Variants in PAQR3 observed in about 807,000 individuals in gnomAD.
PAQR3 encodes the protein Raf kinase trapping to Golgi.
Under a neutral mutation model 41.7 loss-of-function variants are expected in PAQR3, and 39 were observed. The observed-to-expected ratio is 0.93, with a 90% confidence interval of 0.72 to 1.22. The LOEUF (loss-of-function observed/expected upper bound fraction) is 1.22. PAQR3 is among the 50% of genes most tolerant of loss of function. The pLI, the probability that PAQR3 is intolerant of heterozygous loss-of-function variation, is 0.00. For missense variants in PAQR3, 366 were observed against 385.6 expected (o/e 0.95, Z 0.42); for synonymous variants, 140 against 140.6 (o/e 1.00, Z 0.03).
chr4:78,892,401 T>C (rs1256480108), intron 11 of PAQR3, among the ~76,000 whole-genome samples: 1 of 152,232 alleles, frequency 6.6e-6, no homozygotes, highest in African/African-American at 2.4e-5. Flanking sequence ...GTATCATCAT[T>C]TGAAAATGTG....
intron 2 of PAQR3, among the ~76,000 whole-genome samples, chr4:78,934,531 A>G (rs1395485563): frequency 6.6e-6 from 1 of 152,244 alleles, no homozygotes; most frequent in African/African-American, 2.4e-5. Context: ...TTTGAAATCT[A>G]ATAAATGTTA....
chr4:78,910,680 C>T (rs781038280), downstream of PAQR3: 36 of 1,607,096 alleles, frequency 2.2e-5, no homozygotes, highest in East Asian at 2.2e-5. Context: ...CTATCAAGAA[C>T]GGTAAAACAA....
chr4:78,887,600 T>C (rs1301237288), intron 12 of PAQR3, among the ~76,000 whole-genome samples: 4 of 152,236 alleles, frequency 2.6e-5, no homozygotes, highest in Non-Finnish European at 5.9e-5. Flanking sequence ...AAAAATTTGA[T>C]ATTTTCCTAG....
chr4:78,927,485 T>C (rs1560577223), intron 3 of PAQR3, among the ~76,000 whole-genome samples: 2 of 152,220 alleles, frequency 1.3e-5, no homozygotes, highest in Non-Finnish European at 2.9e-5. Flanking sequence ...TGGACTCCTG[T>C]TGAATAAAGT....
intron 11 of PAQR3, among the ~76,000 whole-genome samples, chr4:78,901,126 C>A (rs1733978380): frequency 6.6e-6 from 1 of 152,126 alleles, no homozygotes; most frequent in Admixed American, 6.6e-5. Flanking sequence ...TTACTACAGC[C>A]CGGACCTCTT....
In PAQR3 at chr4:78,939,256, G is replaced by A. The variant is rs1225571130; in HGVS notation, c.-32C>T. The A allele has an allele frequency of 1.9e-6, 3 of 1,568,606 alleles. No individual in the cohort carries two copies. The highest frequency in any genetic ancestry group is 2.6e-6 in the Non-Finnish European group (3 of 1,160,932). The stretch of plus-strand genomic sequence containing the variant: ...CGGCCGCCGCCGCTCCCCGGCTCGG[G>A]AGCTCCCCCAGGTCCCGCCTCCCCG... On this transcript the variant is annotated 5_prime_UTR_variant, in exon 1 of 6. Transcript: ENST00000512733.
rs1162826739 is a variant in PAQR3 at position 78,916,239 on chromosome 4, A to T, written c.*4300T>A. 6.6e-6 allele frequency: 1 copy of T among 151,796 alleles called. No homozygotes were observed. The highest frequency in any genetic ancestry group is 1.5e-5 in the Non-Finnish European group (1 of 67,852). The allele number at this position is 151,796 out of a possible 1,614,324, so 9.4% of individuals were successfully genotyped here. ...TTACACTGCTTATTCTTTTTGACTG[A>T]ATTCTGTCCCTGATTCACTGTTTTG... On this transcript the variant is annotated 3_prime_UTR_variant, in exon 6 of 6. Transcript: ENST00000512733.
At position 78,918,609 on chromosome 4, in the gene PAQR3, C is replaced by A; in HGVS notation, c.*1930G>T. 2.1e-6 allele frequency: 2 copies of A among 964,034 alleles called. No individual in the cohort carries two copies. The highest frequency in any genetic ancestry group is 9.6e-5 in the South Asian group (2 of 20,874). 59.7% of individuals were successfully genotyped at this position (964,034 alleles called of 1,614,324 possible). Reference sequence around the variant, plus strand: ...ATTCAAAGAAACACGGATTTAAAAACACAGTATACTCTTTTCATGTTATTA... The same window carrying A: ...ATTCAAAGAAACACGGATTTAAAAAAACAGTATACTCTTTTCATGTTATTA... On this transcript the variant is annotated 3_prime_UTR_variant, in exon 6 of 6. Transcript: ENST00000512733.
intron 5 of PAQR3, chr4:78,923,536 G>C (rs1266677023): frequency 3.4e-5 from 11 of 325,016 alleles, no homozygotes; most frequent in South Asian, 2.3e-4. Flanking sequence ...ATATAGAGAA[G>C]TAAATGGTAG....
At chr4:78,892,983 A>C (rs753198881) in intron 11 of PAQR3, among the ~76,000 whole-genome samples, 5 of 152,166 alleles carry the variant, frequency 3.3e-5, no homozygotes, top group Non-Finnish European at 7.4e-5. Flanking sequence ...AAATAAGACA[A>C]TGATTAAGTT....
rs1734749901 is a variant in PAQR3 at position 78,913,118 on chromosome 4, A to C, written c.*7421T>G. 3 of 151,410 alleles carry C rather than the reference A, an allele frequency of 2.0e-5. No individual in the cohort carries two copies. Among genetic ancestry groups the C allele is most frequent in the Admixed American group, 6.6e-5 (1 of 15,220 alleles). The allele number at this position is 151,410 out of a possible 1,614,324, so 9.4% of individuals were successfully genotyped here. On this transcript the variant is annotated 3_prime_UTR_variant, in exon 6 of 6. Transcript: ENST00000512733. ...AAATATTCCCCAAGTCATAAGCAACAATTATTTTTATTAGGTTTTGGGGGG... is the reference window on the plus strand; with the variant it reads ...AAATATTCCCCAAGTCATAAGCAACCATTATTTTTATTAGGTTTTGGGGGG...
Position 78,904,993 on chromosome 4 carries a change from T to A in PAQR3, c.*836+1115A>T, listed in dbSNP as rs775268395. ...CTGTACCAAAGCTACCTAAAGAAAA[T>A]TTAACTCTATATTTTTGTATAAATA... On this transcript the variant is annotated intron_variant and NMD_transcript_variant, in intron 11 of 12. Coordinates refer to the PAQR3 transcript ENST00000342820. 2.6e-4 allele frequency among the ~76,000 whole-genome samples: 39 copies of A among 151,982 alleles called. No homozygotes were observed. The South Asian group carries it at 3.1e-3, about 12-fold the overall frequency.
rs1301069937 is a variant in PAQR3, at chr4:78,898,227, G to A, written c.*836+7881C>T. ...CTCCCAAAGACCCTAGACCCACCCT[G>A]TGGGCTTTATTATCTAATAGGAAGT... On this transcript the variant is annotated intron_variant and NMD_transcript_variant, in intron 11 of 12. Transcript: ENST00000342820. 1.1e-4 allele frequency among the ~76,000 whole-genome samples: 16 copies of A among 152,254 alleles called. No individual in the cohort carries two copies. In the East Asian group the frequency reaches 1.9e-3, roughly 18 times the overall value.
chr4:78,935,723 T>G (rs1015900361), intron 1 of PAQR3, among the ~76,000 whole-genome samples: 1 of 152,226 alleles, frequency 6.6e-6, no homozygotes, highest in African/African-American at 2.4e-5. Context: ...CAATAATACG[T>G]ATCTGAAAAC....
chr4:78,901,290 G>A (rs1333937879), intron 11 of PAQR3, among the ~76,000 whole-genome samples: 1 of 151,496 alleles, frequency 6.6e-6, no homozygotes, highest in Non-Finnish European at 1.5e-5. Flanking sequence ...CTAATTCCTG[G>A]TCTCAAGAAA....
At chr4:78,922,764 G>A (rs989802116) in intron 5 of PAQR3, 3 of 371,738 alleles carry the variant, frequency 8.1e-6, no homozygotes, top group Non-Finnish European at 1.6e-5. Flanking sequence ...AACCCTGGGG[G>A]GAAAAAAAAG....
At chr4:78,923,169 T>C (rs1321447797) in intron 5 of PAQR3, among the ~76,000 whole-genome samples, 2 of 150,860 alleles carry the variant, frequency 1.3e-5, no homozygotes, top group Admixed American at 6.6e-5. Context: ...CTCACTTCTT[T>C]TCACTTTTTC....
chr4:78,930,261 C>T lies in PAQR3; in HGVS notation c.413G>A (p.Arg138Gln), dbSNP rs771238570. The T allele has an allele frequency of 9.3e-6, 15 of 1,613,694 alleles. No homozygotes were observed. The highest frequency in any genetic ancestry group is 7.7e-5 in the South Asian group (7 of 91,042). The change falls in exon 3 of 6, where the codon CGA becomes CAA. Residue 138 changes from arginine (R) to glutamine (Q), a missense_variant. Arg to Gln is a conservative substitution (Grantham distance 43, BLOSUM62 1). Transcript: ENST00000512733. Reference sequence around the variant, plus strand: ...TGCATAATCTAATGCCATCCATCTTCGACATGTTTTTTCTGACCGATGGCA... The same window carrying T: ...TGCATAATCTAATGCCATCCATCTTTGACATGTTTTTTCTGACCGATGGCA... ...FSCHRSEKTCRRWMALDYAGI... is the reference protein window; with the variant it reads ...FSCHRSEKTCQRWMALDYAGI...
chr4:78,911,213 G>T (rs759635246), downstream of PAQR3: 12 of 1,613,776 alleles, frequency 7.4e-6, no homozygotes, highest in Middle Eastern at 1.6e-4. Flanking sequence ...CCTGCTGCAG[G>T]ACTGGAGCAG....
Sources: allele counts gnomAD v4.1 joint callset (sites outside exome capture counted in the v4.1 genomes callset), GRCh38; gene constraint gnomAD v4.1.1; transcripts MANE v1.5; gene names NCBI Gene and HGNC (gene_info 2026-07-23, HGNC 2026-07-21).